The following PHACTR1 variants were observed in gnomAD, a reference collection of about 807,000 sequenced individuals.
PHACTR1 encodes RPEL repeat containing 1.
A neutral mutation model predicts 69.2 loss-of-function variants in PHACTR1; 16 were observed. The ratio of observed to expected loss-of-function variants is 0.23; its 90% CI spans 0.16 to 0.35. PHACTR1 has a LOEUF of 0.35. Ranked by LOEUF, PHACTR1 falls within the 10% of genes least tolerant of loss-of-function variation. The pLI is 1.00. For missense variants in PHACTR1, 510 were observed against 734.7 expected, an observed-to-expected ratio of 0.69 and a Z score of 3.54; for synonymous variants, 312 against 284.5, an observed-to-expected ratio of 1.10 and a Z score of -0.97.
At chr6:13,249,737 T>A (rs1199418619) in intron 10 of PHACTR1, among the ~76,000 whole-genome samples, 5 of 145,736 alleles carry the variant, frequency 3.4e-5, no homozygotes. Flanking sequence ...AGGCGGAGGT[T>A]GCAGTGAGCC....
At chr6:13,061,566 T>C (rs1216389546) in intron 5 of PHACTR1, among the ~76,000 whole-genome samples, 2 of 152,166 alleles carry the variant, frequency 1.3e-5, no homozygotes, top group Admixed American at 6.5e-5. Flanking sequence ...GGAGACAAGA[T>C]ACAAACTCAA....
intron 11 of PHACTR1, chr6:13,273,900 C>G (rs1182356479): frequency 4.3e-5 from 6 of 140,326 alleles, no homozygotes; most frequent in African/African-American, 1.3e-4. Flanking sequence ...TTGCCTCCCC[C>G]GGCCCCCCCG....
intron 5 of PHACTR1, among the ~76,000 whole-genome samples, chr6:13,122,322 A>G (rs1818862363): frequency 6.6e-6 from 1 of 152,220 alleles, no homozygotes. Context: ...CCCCAAATTC[A>G]TATTCAGCTT....
chr6:13,259,078 T>C (rs1203223951), intron 10 of PHACTR1, among the ~76,000 whole-genome samples: 1 of 152,238 alleles, frequency 6.6e-6, no homozygotes. Context: ...CTGTATTTCC[T>C]AGCTTTTTGG....
intron 4 of PHACTR1, among the ~76,000 whole-genome samples, chr6:12,844,383 C>A (rs985684387): frequency 2.0e-5 from 3 of 151,954 alleles, no homozygotes; most frequent in Non-Finnish European, 4.4e-5. Flanking sequence ...AGTGACAGAG[C>A]AAGACCCTAT....
rs145453544 is a variant in PHACTR1, at chr6:13,146,016, C to G, written c.416-14188C>G. Among the ~76,000 whole-genome samples, 265 of 152,294 alleles carry G rather than the reference C, an allele frequency of 1.7e-3. 1 individual carries two copies. The highest frequency in any genetic ancestry group is 5.8e-3 in the African/African-American group (243 of 41,562). On this transcript the variant is annotated intron_variant, in intron 5 of 14. Coordinates refer to ENST00000332995, the MANE Select transcript of PHACTR1 (RefSeq NM_030948.6). ...TGCTTGACAAACTGTGGGCCATATCCCTAGCTTGTAAGGCTTAAAAAGGCA... is the reference window on the plus strand; with the variant it reads ...TGCTTGACAAACTGTGGGCCATATCGCTAGCTTGTAAGGCTTAAAAAGGCA...
chr6:12,985,204 A>C (rs1795993923), intron 4 of PHACTR1, among the ~76,000 whole-genome samples: 1 of 152,060 alleles, frequency 6.6e-6, no homozygotes, highest in Non-Finnish European at 1.5e-5. Flanking sequence ...TCTATTTCAC[A>C]CCTCATCTCC....
chr6:13,145,705 A>G (rs1823233098), intron 5 of PHACTR1, among the ~76,000 whole-genome samples: 1 of 152,222 alleles, frequency 6.6e-6, no homozygotes, highest in African/African-American at 2.4e-5. Context: ...AACCAAGGAA[A>G]GGCCTCGTGA....
intron 7 of PHACTR1, among the ~76,000 whole-genome samples, chr6:13,195,776 A>AAAAAAAAAAAAAAAAAAAAC (rs1764305946): frequency 7.0e-6 from 1 of 142,668 alleles, no homozygotes; most frequent in African/African-American, 2.6e-5. Context: ...AAAAAAAAAA[A>AAAAAAAAAAAAAAAAAAAAC]AAAAGTTCAT....
At chr6:12,857,903 G>A (rs974801331) in intron 4 of PHACTR1, among the ~76,000 whole-genome samples, 8 of 152,142 alleles carry the variant, frequency 5.3e-5, no homozygotes, top group Non-Finnish European at 8.8e-5. Context: ...TTAAAGTCGG[G>A]AATTTACCAC....
chr6:12,825,312 C>G (rs1481575162), intron 4 of PHACTR1, among the ~76,000 whole-genome samples: 1 of 147,860 alleles, frequency 6.8e-6, no homozygotes, highest in Non-Finnish European at 1.5e-5. Context: ...AACCCTCTCT[C>G]TCTCAAAAAA....
intron 4 of PHACTR1, among the ~76,000 whole-genome samples, chr6:12,848,409 A>AT (rs749815510): frequency 7.9e-5 from 12 of 151,922 alleles, no homozygotes; most frequent in South Asian, 2.1e-4. Flanking sequence ...TCCTACTATC[A>AT]TTTTTTCCCA....
At chr6:12,970,681 G>A (rs558420816) in intron 4 of PHACTR1, among the ~76,000 whole-genome samples, 52 of 152,288 alleles carry the variant, frequency 3.4e-4, no homozygotes, top group Admixed American at 9.1e-4. Flanking sequence ...GTTTGAACGC[G>A]GGCAGCAGAG....
intron 3 of PHACTR1, among the ~76,000 whole-genome samples, chr6:12,737,019 A>G (rs1561833637): frequency 6.8e-6 from 1 of 146,540 alleles, no homozygotes; most frequent in East Asian, 2.5e-4. Context: ...ATATACATAT[A>G]TATACCTTAC....
intron 4 of PHACTR1, among the ~76,000 whole-genome samples, chr6:13,030,139 A>T (rs1375470126): frequency 1.3e-5 from 2 of 152,192 alleles, no homozygotes; most frequent in Non-Finnish European, 2.9e-5. Flanking sequence ...TATTATTTTT[A>T]TACTCCTGGC....
At chr6:13,239,028 CTCATCT>C (rs1305978480) in intron 10 of PHACTR1, among the ~76,000 whole-genome samples, 2 of 152,174 alleles carry the variant, frequency 1.3e-5, no homozygotes, top group Non-Finnish European at 2.9e-5. Context: ...CCTCCTCATC[CTCATCT>C]TCATCTCAGC....
At chr6:12,878,838 T>C (rs1411519990) in intron 4 of PHACTR1, among the ~76,000 whole-genome samples, 1 of 152,224 alleles carries the variant, frequency 6.6e-6, no homozygotes, top group Non-Finnish European at 1.5e-5. Flanking sequence ...ACTTTGAAAC[T>C]GTTGTCTAAA....
In PHACTR1 at chr6:12,886,980, T is replaced by A. The variant is rs532886361; in HGVS notation, c.250+137190T>A. On this transcript the variant is annotated intron_variant, in intron 4 of 14. Transcript: ENST00000332995. ...GGTGGTCGGTTTCAGAGCAGCAGCGTGCAGCTCCAATGTGATAAAATGGCT... is the reference window on the plus strand; with the variant it reads ...GGTGGTCGGTTTCAGAGCAGCAGCGAGCAGCTCCAATGTGATAAAATGGCT... Among the ~76,000 whole-genome samples the A allele has an allele frequency of 2.6e-5, 4 of 152,222 alleles. No individual in the cohort carries two copies. The East Asian group carries it at 7.7e-4, about 29-fold the overall frequency.
intron 4 of PHACTR1, among the ~76,000 whole-genome samples, chr6:13,019,447 C>T (rs540714115): frequency 1.3e-4 from 20 of 152,298 alleles, no homozygotes; most frequent in Middle Eastern, 3.4e-3. Flanking sequence ...GGATGTTTAA[C>T]GACCTTGAAC....
Sources: allele counts gnomAD v4.1 joint callset (sites outside exome capture counted in the v4.1 genomes callset), GRCh38; gene constraint gnomAD v4.1.1; transcripts MANE v1.5; gene names NCBI Gene and HGNC (gene_info 2026-07-23, HGNC 2026-07-21).